LRFN5: variants seen among roughly 807,000 people sequenced by gnomAD.
LRFN5 encodes the protein leucine-rich repeat and fibronectin type-III domain-containing protein 5.
LRFN5 carries 24 observed loss-of-function variants against 45.6 expected under a neutral mutation model. That is an observed-to-expected ratio of 0.53 (90% confidence interval 0.38 to 0.74). The LOEUF (loss-of-function observed/expected upper bound fraction) is 0.74, where lower values mean the gene tolerates loss of function less well. LRFN5 is among the 30% of genes least tolerant of loss of function. LRFN5 has a pLI of 0.00. For missense variants in LRFN5, 776 were observed against 861.5 expected (o/e 0.90, Z 1.24); for synonymous variants, 340 against 313.8 (o/e 1.08, Z -0.88).
intron 1 of LRFN5, among the ~76,000 whole-genome samples, chr14:41,696,547 T>TCACAATCTGTTGACTGTGATATCAA (rs1882619157): frequency 6.6e-6 from 1 of 150,898 alleles, no homozygotes; most frequent in Non-Finnish European, 1.5e-5. Flanking sequence ...TCTGCAGACA[T>TCACAATCTGTTGACTGTGATATCAA]CACAATCTGT....
chr14:41,722,599 T>C (rs1883771457), intron 1 of LRFN5, among the ~76,000 whole-genome samples: 1 of 152,042 alleles, frequency 6.6e-6, no homozygotes, highest in Non-Finnish European at 1.5e-5. Flanking sequence ...CCTTTTCCCT[T>C]TGTCCCCACT....
In LRFN5 at chr14:41,863,373, T is replaced by A. The variant is rs549370312; in HGVS notation, c.-20-23233T>A. 7.9e-5 allele frequency among the ~76,000 whole-genome samples: 12 copies of A among 152,352 alleles called. No individual in the cohort carries two copies. In the South Asian group the frequency reaches 2.3e-3, roughly 29 times the overall value. On this transcript the variant is annotated intron_variant, in intron 2 of 5. Coordinates refer to ENST00000298119, the MANE Select transcript of LRFN5 (RefSeq NM_152447.5). Reference sequence around the variant, plus strand: ...AAGATTGATGAGTAGTCATTGCCTTTCAACCTTCCTTATTTTCCAAAAAAT... The same window carrying A: ...AAGATTGATGAGTAGTCATTGCCTTACAACCTTCCTTATTTTCCAAAAAAT...
At position 41,671,612 on chromosome 14, in the gene LRFN5, T is replaced by TTTTTTG. The variant is rs1372900182; in HGVS notation, c.-197+63053_-197+63054insTTGTTT. On this transcript the variant is annotated intron_variant, in intron 1 of 5. Transcript: ENST00000298119. ...GTGGATGTGGAGGAGAGATTTTTTT[T>TTTTTTG]TTTCGTTTTTTTTTTTTTTTTTTTT... Among the ~76,000 whole-genome samples, 6 of 121,072 alleles carry TTTTTTG rather than the reference T, an allele frequency of 5.0e-5. No homozygotes were observed. The East Asian group carries it at 1.2e-3, about 23-fold the overall frequency. The allele number at this position is 121,072 out of a possible 152,430, so 79.4% of individuals were successfully genotyped here.
chr14:41,676,129 A>G (rs1881618117), intron 1 of LRFN5, among the ~76,000 whole-genome samples: 1 of 152,206 alleles, frequency 6.6e-6, no homozygotes. Context: ...AATGTTGCAG[A>G]AGCCATATTT....
At chr14:41,655,362 A>T (rs1325478102) in intron 1 of LRFN5, among the ~76,000 whole-genome samples, 1 of 151,992 alleles carries the variant, frequency 6.6e-6, no homozygotes, top group African/African-American at 2.4e-5. Context: ...TTAGAGACTA[A>T]ATCGTAAGTA....
In LRFN5 at chr14:41,653,545, G is replaced by A. The variant is rs546387315; in HGVS notation, c.-197+44983G>A. ...GGATGGAAACAAGGTGATTGTGACT[G>A]AAATGAAGCAAACAAAGTATGTAGA... On this transcript the variant is annotated intron_variant, in intron 1 of 5. Coordinates refer to ENST00000298119, the MANE Select transcript of LRFN5 (RefSeq NM_152447.5). Among the ~76,000 whole-genome samples the A allele has an allele frequency of 5.3e-5, 8 of 152,234 alleles. No homozygotes were observed. The South Asian group carries it at 1.7e-3, about 32-fold the overall frequency.
intron 1 of LRFN5, among the ~76,000 whole-genome samples, chr14:41,645,716 C>G (rs887442910): frequency 1.3e-5 from 2 of 152,192 alleles, no homozygotes; most frequent in African/African-American, 4.8e-5. Context: ...CTATTCTCCT[C>G]TGGGGACTGA....
At chr14:41,890,075 G>T (rs952712146) in intron 3 of LRFN5, among the ~76,000 whole-genome samples, 5 of 151,986 alleles carry the variant, frequency 3.3e-5, no homozygotes, top group African/African-American at 7.2e-5. Flanking sequence ...TATCGGTCAG[G>T]CTGGTCTCAA....
chr14:41,747,331 A>G (rs1264712400), intron 1 of LRFN5, among the ~76,000 whole-genome samples: 1 of 122,284 alleles, frequency 8.2e-6, no homozygotes, highest in African/African-American at 3.2e-5. Flanking sequence ...TGGCATAAAA[A>G]CAAACATATA....
intron 1 of LRFN5, among the ~76,000 whole-genome samples, chr14:41,648,575 T>C (rs1879932513): frequency 2.0e-5 from 3 of 152,148 alleles, no homozygotes; most frequent in Non-Finnish European, 4.4e-5. Context: ...TTTTAAGACA[T>C]GTATAAAAAC....
In LRFN5 at chr14:41,767,027, G is replaced by GGCTT; in HGVS notation, c.-23_-22insGCTT. On this transcript the variant is annotated splice_region_variant and 5_prime_UTR_variant, in exon 2 of 6. It removes the in-frame stop codon of an upstream open reading frame in the 5' UTR. Coordinates refer to ENST00000298119, the MANE Select transcript of LRFN5 (RefSeq NM_152447.5). ...GCCGTGAGGAACTCTTCAGGCTCCA[G>GGCTT]AAGTAAGTTGATTGCATTCAGTTCA... 6.6e-6 allele frequency: 1 copy of GGCTT among 152,598 alleles called. No homozygotes were observed. Among genetic ancestry groups the GGCTT allele is most frequent in the Non-Finnish European group, 1.5e-5 (1 of 68,038 alleles). The allele number at this position is 152,598 out of a possible 1,614,324, so 9.5% of individuals were successfully genotyped here.
intron 1 of LRFN5, among the ~76,000 whole-genome samples, chr14:41,719,482 A>G (rs1313927514): frequency 6.6e-6 from 1 of 152,028 alleles, no homozygotes. Context: ...TGTAATAGTT[A>G]TTATTGCAAG....
intron 4 of LRFN5, 38 bp from the exon 5 acceptor site, chr14:41,898,879 A>C (rs766004638): frequency 1.3e-6 from 2 of 1,583,090 alleles, no homozygotes; most frequent in South Asian, 2.3e-5. Context: ...TCTTTTAAAA[A>C]AATGAATTGT....
intron 1 of LRFN5, among the ~76,000 whole-genome samples, chr14:41,724,029 T>G (rs73305581): frequency 2.0e-5 from 3 of 152,234 alleles, no homozygotes; most frequent in African/African-American, 7.2e-5. Flanking sequence ...TGTTCTCCCT[T>G]GGCCTCGAAT....
intron 1 of LRFN5, among the ~76,000 whole-genome samples, chr14:41,747,596 A>G (rs61992404): frequency 0.13 from 19,798 of 152,024 alleles, 1,530 homozygotes; most frequent in Non-Finnish European, 0.18. Context: ...AATGCTTTAA[A>G]ATATTGGATT....
intron 2 of LRFN5, among the ~76,000 whole-genome samples, chr14:41,842,452 A>G (rs1366516475): frequency 2.0e-5 from 3 of 152,134 alleles, no homozygotes; most frequent in African/African-American, 7.2e-5. Flanking sequence ...GTTCTGTTAA[A>G]ACATGTTAGT....
intron 2 of LRFN5, among the ~76,000 whole-genome samples, chr14:41,856,996 C>T (rs1437925561): frequency 6.6e-6 from 1 of 152,052 alleles, no homozygotes; most frequent in East Asian, 1.9e-4. Flanking sequence ...AATAATAACA[C>T]TTACTATGCA....
chr14:41,713,530 T>G (rs1423966414), intron 1 of LRFN5, among the ~76,000 whole-genome samples: 1 of 151,996 alleles, frequency 6.6e-6, no homozygotes, highest in Non-Finnish European at 1.5e-5. Flanking sequence ...ATATACAATC[T>G]AAAATCTCCA....
chr14:41,673,440 G>C (rs1043609913), intron 1 of LRFN5, among the ~76,000 whole-genome samples: 2 of 143,156 alleles, frequency 1.4e-5, no homozygotes, highest in South Asian at 2.2e-4. Context: ...TGGCCGGGCG[G>C]GGGGGCTGAC....
Sources: gnomAD v4.1 joint callset for allele counts (sites outside exome capture counted in the v4.1 genomes callset) on GRCh38, gnomAD v4.1.1 for gene constraint, MANE v1.5 for transcripts, NCBI Gene and HGNC (gene_info 2026-07-23, HGNC 2026-07-21) for gene names.